Variants in SEC14L5 observed in about 807,000 individuals in gnomAD.
SEC14L5 encodes the protein SEC14-like protein 5.
Under a neutral mutation model 84.6 loss-of-function variants are expected in SEC14L5, and 96 were observed. That is an observed-to-expected ratio of 1.13 (90% CI 0.96 to 1.34). SEC14L5 has a LOEUF of 1.34. Ranked by LOEUF, SEC14L5 falls within the 40% of genes most tolerant of loss-of-function variation. The pLI is 0.00. For missense variants in SEC14L5, 1,224 were observed against 942.5 expected, an observed-to-expected ratio of 1.30 and a Z score of -3.91; for synonymous variants, 546 against 383.4, an observed-to-expected ratio of 1.42 and a Z score of -4.95.
At chr16:5,011,607 A>G (rs1305297624) in intron 15 of SEC14L5, among the ~76,000 whole-genome samples, 3 of 152,194 alleles carry the variant, frequency 2.0e-5, no homozygotes, top group Non-Finnish European at 4.4e-5. Context: ...TTCCATGGGA[A>G]TATTTTAGAA....
At chr16:5,000,259 C>G (rs566821152) in intron 8 of SEC14L5, among the ~76,000 whole-genome samples, 1 of 152,298 alleles carries the variant, frequency 6.6e-6, no homozygotes, top group Non-Finnish European at 1.5e-5. Flanking sequence ...CCACTGCACT[C>G]CAGCCTGGGT....
At chr16:4,988,840 C>T (rs994239135) in intron 4 of SEC14L5, among the ~76,000 whole-genome samples, 7 of 152,260 alleles carry the variant, frequency 4.6e-5, no homozygotes, top group Non-Finnish European at 1.0e-4. Context: ...AAGTGATGAG[C>T]ACCCAGCAGT....
intron 13 of SEC14L5, among the ~76,000 whole-genome samples, chr16:5,007,876 G>A (rs1254678309): frequency 6.7e-6 from 1 of 149,290 alleles, no homozygotes; most frequent in East Asian, 2.0e-4. Context: ...AAAGTTCTGG[G>A]ATTATAGGCG....
Position 5,000,701 on chromosome 16 carries a change from A to C in SEC14L5, c.1017A>C (p.Lys339Asn), listed in dbSNP as rs1448309564. Residue 339 changes from lysine (K) to asparagine (N), a missense_variant, in exon 9 of 16, where the codon AAA (lysine) becomes AAC (asparagine). Lys to Asn is a moderately conservative substitution (Grantham distance 94, BLOSUM62 0). Coordinates refer to ENST00000251170, the MANE Select transcript of SEC14L5 (RefSeq NM_014692.2). ...TCCGCCTGGGCCAGATGGACACCAAAGGCTTGATGAAGGCCGTGGGGGAGG... is the reference window on the plus strand; with the variant it reads ...TCCGCCTGGGCCAGATGGACACCAACGGCTTGATGAAGGCCGTGGGGGAGG... ...YILRLGQMDT[K>N]GLMKAVGEEA... 2 of 1,552,328 alleles carry C rather than the reference A, an allele frequency of 1.3e-6. No individual in the cohort carries two copies. Among genetic ancestry groups the C allele is most frequent in the Non-Finnish European group, 1.7e-6 (2 of 1,147,520 alleles).
chr16:4,974,808 C>A (rs1955321176), intron 2 of SEC14L5, among the ~76,000 whole-genome samples: 2 of 152,114 alleles, frequency 1.3e-5, no homozygotes, highest in Middle Eastern at 6.8e-3. Flanking sequence ...GATGGAGTCT[C>A]ACTCTGTCAC....
intron 10 of SEC14L5, among the ~76,000 whole-genome samples, chr16:5,001,866 G>A (rs759857730): frequency 5.3e-5 from 8 of 151,980 alleles, no homozygotes; most frequent in Non-Finnish European, 7.4e-5. Flanking sequence ...TTGACCTGCT[G>A]GGCTCAAGCA....
intron 13 of SEC14L5, among the ~76,000 whole-genome samples, 154 bp downstream of exon 13, chr16:5,007,640 C>G (rs189888510): frequency 3.6e-5 from 5 of 139,736 alleles, no homozygotes; most frequent in Middle Eastern, 4.0e-3. Context: ...GAGTCTCGCT[C>G]TGTTGCCCAG....
At chr16:4,987,855 G>A (rs1252706740) in intron 3 of SEC14L5, 149 bp downstream of exon 3, 5 of 701,048 alleles carry the variant, frequency 7.1e-6, no homozygotes, top group East Asian at 2.8e-5. Context: ...GTTCCAGGAT[G>A]AGGGTGGCGG....
chr16:5,007,337 A>G lies in SEC14L5; in HGVS notation c.1438-15A>G, dbSNP rs1242275153. On this transcript the variant is annotated splice_polypyrimidine_tract_variant and intron_variant, in intron 12 of 15. Transcript: ENST00000251170. ...AACTGGCCCTGACCTGCTGCCCTTTATCTCTGACCTGCAGTGTAATGTCCC... is the reference window on the plus strand; with the variant it reads ...AACTGGCCCTGACCTGCTGCCCTTTGTCTCTGACCTGCAGTGTAATGTCCC... The G allele has an allele frequency of 6.2e-7, 1 of 1,612,500 alleles. No homozygotes were observed. The highest frequency in any genetic ancestry group is 8.5e-7 in the Non-Finnish European group (1 of 1,179,118).
chr16:4,987,472 GAC>G, intron 2 of SEC14L5, 83 bp from the exon 3 acceptor site: 8 of 1,195,660 alleles, frequency 6.7e-6, no homozygotes, highest in Non-Finnish European at 9.2e-6. Flanking sequence ...TCTGATAAGT[GAC>G]ACAGCAGATA....
At chr16:4,964,741 T>G (rs1165704163) in intron 2 of SEC14L5, among the ~76,000 whole-genome samples, 1 of 150,994 alleles carries the variant, frequency 6.6e-6, no homozygotes, top group Non-Finnish European at 1.5e-5. Flanking sequence ...CCACCTCTTC[T>G]TCTTTTTTCG....
chr16:4,998,747 A>T (rs867155632), intron 8 of SEC14L5, among the ~76,000 whole-genome samples: 3 of 92,900 alleles, frequency 3.2e-5, no homozygotes, highest in African/African-American at 6.1e-5. Flanking sequence ...CAAAAAAAAA[A>T]AAAAAAAAAA....
intron 12 of SEC14L5, 130 bp downstream of exon 12, chr16:5,006,178 G>A (rs1224442574): frequency 5.5e-6 from 5 of 904,080 alleles, no homozygotes; most frequent in African/African-American, 5.0e-5. Context: ...TCTGCCTAGG[G>A]CAGGTCTTGC....
At chr16:4,970,781 AAG>A (rs1326431089) in intron 2 of SEC14L5, among the ~76,000 whole-genome samples, 1 of 152,168 alleles carries the variant, frequency 6.6e-6, no homozygotes, top group East Asian at 1.9e-4. Flanking sequence ...CCCAGCCCAA[AAG>A]TACATCCAAG....
intron 13 of SEC14L5, 28 bp from the exon 14 acceptor site, chr16:5,008,393 C>A: frequency 1.3e-6 from 2 of 1,543,918 alleles, no homozygotes; most frequent in Non-Finnish European, 1.8e-6. Context: ...TCGGCCGTGA[C>A]TCTCAGACCT....
rs534620631 is a variant in SEC14L5 at position 5,017,382 on chromosome 16, C to G, written c.*2412C>G. ...GTGCTGCTTCAGATATGGCTGGATCCAGGAGCTTAATGTCCTCAGGCCTCT... is the reference window on the plus strand; with the variant it reads ...GTGCTGCTTCAGATATGGCTGGATCGAGGAGCTTAATGTCCTCAGGCCTCT... On this transcript the variant is annotated 3_prime_UTR_variant, in exon 16 of 16. Coordinates refer to ENST00000251170, the MANE Select transcript of SEC14L5 (RefSeq NM_014692.2). 4 of 152,446 alleles carry G rather than the reference C, an allele frequency of 2.6e-5. No homozygotes were observed. The East Asian group carries it at 7.7e-4, about 29-fold the overall frequency. The allele number at this position is 152,446 out of a possible 1,614,324, so 9.4% of individuals were successfully genotyped here. A position where few individuals can be genotyped will look rare whatever the true frequency, so the allele number is the denominator to read the frequency against.
chr16:4,979,309 A>C (rs182013866), intron 2 of SEC14L5, among the ~76,000 whole-genome samples: 1 of 152,242 alleles, frequency 6.6e-6, no homozygotes, highest in Admixed American at 6.5e-5. Context: ...CACCAACCCC[A>C]TGGTCTGACT....
At chr16:4,991,482 C>G (rs980588485) in intron 5 of SEC14L5, among the ~76,000 whole-genome samples, 5 of 151,942 alleles carry the variant, frequency 3.3e-5, no homozygotes, top group East Asian at 1.9e-4. Context: ...AGGAGGATCT[C>G]TTGATCCTGG....
chr16:4,984,620 C>T (rs1035904490), intron 2 of SEC14L5, among the ~76,000 whole-genome samples: 2 of 152,140 alleles, frequency 1.3e-5, no homozygotes, highest in African/African-American at 2.4e-5. Context: ...CACTGTTTTC[C>T]AAAGGGGTTG....
Sources: gnomAD v4.1 joint callset for allele counts (sites outside exome capture counted in the v4.1 genomes callset) on GRCh38, gnomAD v4.1.1 for gene constraint, MANE v1.5 for transcripts, NCBI Gene and HGNC (gene_info 2026-07-23, HGNC 2026-07-21) for gene names.